Variants in NPAS3 observed in about 807,000 individuals in gnomAD.
NPAS3 encodes neuronal PAS domain protein 3.
A neutral mutation model predicts 73.1 loss-of-function variants in NPAS3; 14 were observed. The ratio of observed to expected loss-of-function variants is 0.19; its 90% CI spans 0.13 to 0.30. The LOEUF (loss-of-function observed/expected upper bound fraction) is 0.30. Among genes scored for constraint, NPAS3 ranks in the 10% least tolerant of loss-of-function variants. The pLI is 1.00. For missense variants in NPAS3, 1,096 were observed against 1,250.0 expected, an observed-to-expected ratio of 0.88 and a Z score of 1.86; for synonymous variants, 620 against 541.5, an observed-to-expected ratio of 1.14 and a Z score of -2.01.
chr14:33,772,954 C>T (rs866944877), intron 7 of NPAS3, among the ~76,000 whole-genome samples: 4 of 152,034 alleles, frequency 2.6e-5, no homozygotes, highest in African/African-American at 7.2e-5. Flanking sequence ...TGGGCGCCGA[C>T]GTGAAGGGTG....
chr14:33,670,620 C>CA (rs1024484205), intron 5 of NPAS3, among the ~76,000 whole-genome samples: 3 of 147,260 alleles, frequency 2.0e-5, no homozygotes, highest in Middle Eastern at 3.5e-3. Flanking sequence ...ATGTGACCCC[C>CA]CCTCAAAAAA....
chr14:33,445,926 G>C lies in NPAS3; in HGVS notation c.468+78658G>C, dbSNP rs1319514195. On this transcript the variant is annotated intron_variant, in intron 4 of 11. Coordinates refer to ENST00000356141, the Ensembl canonical transcript of NPAS3. ...TGTGCCTCTTCTTTGGGTAAGGAGT[G>C]TTGCACTTTTTTTTTTTTTTTTCAG... 8.1e-5 allele frequency among the ~76,000 whole-genome samples: 11 copies of C among 135,196 alleles called. No individual in the cohort carries two copies. In the South Asian group the frequency reaches 1.2e-3, roughly 15 times the overall value. The allele number at this position is 135,196 out of a possible 152,430, so 88.7% of individuals were successfully genotyped here.
intron 3 of NPAS3, among the ~76,000 whole-genome samples, chr14:33,361,122 GA>G (rs2045581501): frequency 6.6e-6 from 1 of 152,198 alleles, no homozygotes; most frequent in African/African-American, 2.4e-5. Flanking sequence ...CCCAGCTACA[GA>G]AGGAGAAATA....
upstream of NPAS3, among the ~76,000 whole-genome samples, chr14:32,937,579 A>C (rs1170528502): frequency 6.6e-6 from 1 of 152,216 alleles, no homozygotes; most frequent in Non-Finnish European, 1.5e-5. Flanking sequence ...AAGAGAACTT[A>C]AACACCATCA....
At chr14:33,697,450 A>C (rs1233845276) in intron 6 of NPAS3, among the ~76,000 whole-genome samples, 1 of 152,100 alleles carries the variant, frequency 6.6e-6, no homozygotes, top group Non-Finnish European at 1.5e-5. Context: ...GCTTGCCTTC[A>C]TTTTTCAACA....
intron 6 of NPAS3, among the ~76,000 whole-genome samples, chr14:33,722,901 A>G (rs1340325698): frequency 6.6e-6 from 1 of 152,194 alleles, no homozygotes; most frequent in Non-Finnish European, 1.5e-5. Context: ...GAATTGAGCC[A>G]TAATAAAACC....
chr14:33,366,448 A>G (rs1038355669), intron 3 of NPAS3, among the ~76,000 whole-genome samples: 8 of 152,148 alleles, frequency 5.3e-5, no homozygotes, highest in African/African-American at 1.7e-4. Flanking sequence ...CAGGCAAAGC[A>G]GGTGAAGCGT....
At chr14:32,967,765 A>G (rs1052582952) in intron 1 of NPAS3, among the ~76,000 whole-genome samples, 7 of 126,128 alleles carry the variant, frequency 5.5e-5, no homozygotes, top group Non-Finnish European at 9.1e-5. Flanking sequence ...TATGGACAAC[A>G]GCATGTGGGG....
At chr14:33,304,083 A>G (rs1185637039) in intron 3 of NPAS3, among the ~76,000 whole-genome samples, 4 of 152,118 alleles carry the variant, frequency 2.6e-5, no homozygotes, top group Admixed American at 1.3e-4. Context: ...AATTTTTTGT[A>G]TTTTTAGTAA....
intron 4 of NPAS3, among the ~76,000 whole-genome samples, chr14:33,492,263 A>C (rs1485920023): frequency 6.6e-6 from 1 of 152,262 alleles, no homozygotes; most frequent in Non-Finnish European, 1.5e-5. Context: ...TACCTCTGAA[A>C]GATTTTCATG....
intron 1 of NPAS3, among the ~76,000 whole-genome samples, chr14:33,018,089 A>G (rs2039458552): frequency 6.6e-6 from 1 of 152,230 alleles, no homozygotes; most frequent in African/African-American, 2.4e-5. Context: ...CACATCTAGA[A>G]TATGTATCTT....
chr14:33,070,260 T>C (rs2041437565), intron 2 of NPAS3, among the ~76,000 whole-genome samples: 2 of 152,216 alleles, frequency 1.3e-5, no homozygotes, highest in South Asian at 4.1e-4. Flanking sequence ...TATATTTTGC[T>C]ACCTAATATC....
At chr14:33,512,192 A>G (rs1034305170) in intron 4 of NPAS3, among the ~76,000 whole-genome samples, 18 of 152,090 alleles carry the variant, frequency 1.2e-4, no homozygotes, top group Non-Finnish European at 2.2e-4. Context: ...TTTTAATATC[A>G]TACTAATTTT....
At chr14:33,793,913 G>A in exon 10 of NPAS3, 1 of 1,613,546 alleles carries the variant, frequency 6.2e-7, no homozygotes, top group Non-Finnish European at 8.5e-7. Context: ...ATAAGGGTCA[G>A]TGTGTGACAA....
chr14:33,246,839 C>A (rs1471553977), intron 3 of NPAS3, among the ~76,000 whole-genome samples: 665 of 61,852 alleles, frequency 0.011, no homozygotes, highest in East Asian at 0.019. Context: ...ATTAAAAATA[C>A]AAAAAAAAAA....
chr14:33,465,892 T>A (rs192734454), intron 4 of NPAS3, among the ~76,000 whole-genome samples: 1,982 of 152,188 alleles, frequency 0.013, 44 homozygotes, highest in African/African-American at 0.046. Context: ...ATCCAACAGA[T>A]ATATAATAGA....
intron 4 of NPAS3, among the ~76,000 whole-genome samples, chr14:33,472,356 T>C (rs1318657019): frequency 6.6e-6 from 1 of 151,838 alleles, no homozygotes; most frequent in Non-Finnish European, 1.5e-5. Flanking sequence ...TTGTAAGGAG[T>C]TTTGTCTTTA....
At chr14:33,753,758 T>TA (rs2062032970) in intron 7 of NPAS3, among the ~76,000 whole-genome samples, 1 of 152,194 alleles carries the variant, frequency 6.6e-6, no homozygotes. Context: ...AAGTGATCTA[T>TA]TTTTTCCTAA....
At chr14:33,752,118 C>T (rs2061981391) in intron 7 of NPAS3, among the ~76,000 whole-genome samples, 1 of 152,116 alleles carries the variant, frequency 6.6e-6, no homozygotes, top group African/African-American at 2.4e-5. Flanking sequence ...AAAACCTCTC[C>T]CTTTCTTTCT....
Sources: gnomAD v4.1 joint callset for allele counts (sites outside exome capture counted in the v4.1 genomes callset) on GRCh38, gnomAD v4.1.1 for gene constraint, MANE v1.5 for transcripts, NCBI Gene and HGNC (gene_info 2026-07-23, HGNC 2026-07-21) for gene names.